GARIN1B: variants seen among roughly 807,000 people sequenced by gnomAD.
GARIN1B encodes golgi associated RAB2 interactor 1B, also known as Golgi-associated RAB2 interactor protein 1B.
chr7:128,719,108 G>A, the GARIN1B span: 1 of 1,607,628 alleles, frequency 6.2e-7, no homozygotes, highest in South Asian at 1.1e-5. Flanking sequence ...TTGCCACCCT[G>A]CAGTCAAGGC....
At chr7:128,718,374 G>C in the GARIN1B span, among the ~76,000 whole-genome samples, 1 of 149,960 alleles carries the variant, frequency 6.7e-6, no homozygotes, top group African/African-American at 2.5e-5. Flanking sequence ...GGAGGTTGCA[G>C]TGAGCCAAGA....
the GARIN1B span, among the ~76,000 whole-genome samples, chr7:128,721,807 T>A: frequency 6.6e-6 from 1 of 152,220 alleles, no homozygotes; most frequent in Non-Finnish European, 1.5e-5. Flanking sequence ...TCTTTTTTCA[T>A]CATGAATGGG....
At chr7:128,725,013 C>A in the GARIN1B span, 1 of 565,724 alleles carries the variant, frequency 1.8e-6, no homozygotes, top group Non-Finnish European at 2.6e-6. Flanking sequence ...ATGTCAGGAT[C>A]CAATGAGCTC....
chr7:128,729,921 A>C, the GARIN1B span: 1 of 1,613,828 alleles, frequency 6.2e-7, no homozygotes, highest in African/African-American at 1.3e-5. Context: ...CTTCCCGTGA[A>C]GACAGCATCC....
chr7:128,728,186 G>A, the GARIN1B span, among the ~76,000 whole-genome samples: 3 of 152,226 alleles, frequency 2.0e-5, no homozygotes, highest in African/African-American at 7.2e-5. Context: ...GCTCACGCCT[G>A]TAATCCCAGC....
At chr7:128,714,276 G>A in the GARIN1B span, 10 of 895,234 alleles carry the variant, frequency 1.1e-5, no homozygotes, top group Non-Finnish European at 1.7e-5. Flanking sequence ...AATTCATTAT[G>A]TAATAAGTTC....
At chr7:128,723,259 G>A in the GARIN1B span, 22 of 1,612,940 alleles carry the variant, frequency 1.4e-5, no homozygotes, top group South Asian at 2.2e-4. Context: ...TAATGACCAA[G>A]GGGGAGAGTG....
the GARIN1B span, among the ~76,000 whole-genome samples, chr7:128,723,845 C>G: frequency 6.6e-6 from 1 of 152,054 alleles, no homozygotes; most frequent in Non-Finnish European, 1.5e-5. Flanking sequence ...TCAGGACAAC[C>G]TTCCTCCAGC....
At chr7:128,714,961 C>G in the GARIN1B span, among the ~76,000 whole-genome samples, 1 of 152,210 alleles carries the variant, frequency 6.6e-6, no homozygotes, top group Non-Finnish European at 1.5e-5. Context: ...GCTTCCATAA[C>G]CTGCAGATCC....
At chr7:128,729,876 C>T in the GARIN1B span, 1 of 1,607,046 alleles carries the variant, frequency 6.2e-7, no homozygotes, top group South Asian at 1.1e-5. Flanking sequence ...AGCACACAAG[C>T]AAATGCATTT....
chr7:128,728,225 C>T, the GARIN1B span, among the ~76,000 whole-genome samples: 4 of 152,148 alleles, frequency 2.6e-5, no homozygotes, highest in South Asian at 2.1e-4. Context: ...GGATGGATCA[C>T]GAGGTTAGGA....
chr7:128,716,672 T>C, the GARIN1B span: 1 of 599,274 alleles, frequency 1.7e-6, no homozygotes, highest in Non-Finnish European at 2.8e-6. Context: ...AAGCATTCTT[T>C]AGTGTGCAGG....
At chr7:128,719,086 A>T in the GARIN1B span, 1 of 1,612,698 alleles carries the variant, frequency 6.2e-7, no homozygotes. Flanking sequence ...ATTCGAAGGT[A>T]AGTGAGCACC....
At chr7:128,712,766 C>T in the GARIN1B span, among the ~76,000 whole-genome samples, 2 of 152,212 alleles carry the variant, frequency 1.3e-5, no homozygotes, top group African/African-American at 2.4e-5. Flanking sequence ...AATGTTTTCT[C>T]AAGTTATTGG....
chr7:128,727,779 C>T, the GARIN1B span, among the ~76,000 whole-genome samples: 4 of 152,264 alleles, frequency 2.6e-5, no homozygotes, highest in Non-Finnish European at 4.4e-5. Flanking sequence ...TCTAAATCCT[C>T]CCTATCCTTC....
the GARIN1B span, among the ~76,000 whole-genome samples, chr7:128,712,281 T>A: frequency 6.6e-6 from 1 of 152,214 alleles, no homozygotes; most frequent in Non-Finnish European, 1.5e-5. Flanking sequence ...TTAATTTTAT[T>A]TGTTAAGTTC....
At chr7:128,728,906 A>T in the GARIN1B span, among the ~76,000 whole-genome samples, 1 of 152,164 alleles carries the variant, frequency 6.6e-6, no homozygotes, top group Non-Finnish European at 1.5e-5. Flanking sequence ...CATGATGGTG[A>T]CTCATTTCTC....
At chr7:128,716,878 C>T in the GARIN1B span, 2 of 1,613,938 alleles carry the variant, frequency 1.2e-6, no homozygotes, top group Non-Finnish European at 1.7e-6. Context: ...TGGGGGTGAC[C>T]TCCTCGGTAC....
the GARIN1B span, chr7:128,730,074 A>G: frequency 6.2e-7 from 1 of 1,610,604 alleles, no homozygotes; most frequent in Non-Finnish European, 8.5e-7. Context: ...CCATAGGTAC[A>G]GCAATGGGAG....
Sources: allele counts gnomAD v4.1 joint callset (sites outside exome capture counted in the v4.1 genomes callset), GRCh38; gene constraint gnomAD v4.1.1; transcripts MANE v1.5; gene names NCBI Gene and HGNC (gene_info 2026-07-23, HGNC 2026-07-21).